The following ROBO1 variants were observed in gnomAD, a reference collection of about 807,000 sequenced individuals.
ROBO1 encodes roundabout guidance receptor 1.
ROBO1 carries 149 observed loss-of-function variants against 195.9 expected under a neutral mutation model. The ratio of observed to expected loss-of-function variants is 0.76; its 90% CI spans 0.67 to 0.87. The LOEUF is 0.87. ROBO1 is among the 40% of genes least tolerant of loss of function. The probability of loss-of-function intolerance (pLI) is 0.00; values close to 1 mark genes in which losing one functional copy is unlikely to be tolerated. For synonymous variants in ROBO1, 816 were observed against 733.2 expected, an observed-to-expected ratio of 1.11 and a Z score of -1.82; for missense variants, 1,933 against 2,068.3, an observed-to-expected ratio of 0.93 and a Z score of 1.27.
At chr3:79,338,246 T>A (rs780201388) in intron 2 of ROBO1, among the ~76,000 whole-genome samples, 1 of 152,198 alleles carries the variant, frequency 6.6e-6, no homozygotes, top group Non-Finnish European at 1.5e-5. Context: ...ACTATACAGA[T>A]GACTATCTTT....
chr3:78,936,836 G>A (rs2039838756), intron 4 of ROBO1, among the ~76,000 whole-genome samples: 1 of 151,864 alleles, frequency 6.6e-6, no homozygotes, highest in Non-Finnish European at 1.5e-5. Flanking sequence ...TTTTGCATGG[G>A]CTACATTCAA....
At chr3:78,726,050 T>G (rs2108147590) in intron 5 of ROBO1, among the ~76,000 whole-genome samples, 1 of 152,266 alleles carries the variant, frequency 6.6e-6, no homozygotes, top group Non-Finnish European at 1.5e-5. Flanking sequence ...TTTTCTGCTT[T>G]TAATTACATT....
At chr3:79,411,782 G>A (rs1254009719) in intron 2 of ROBO1, among the ~76,000 whole-genome samples, 1 of 152,124 alleles carries the variant, frequency 6.6e-6, no homozygotes, top group African/African-American at 2.4e-5. Flanking sequence ...CACATTTAAT[G>A]TGAAAAATTA....
chr3:78,660,915 T>A, intron 16 of ROBO1, 115 bp downstream of exon 16: 1 of 751,600 alleles, frequency 1.3e-6, no homozygotes, highest in Non-Finnish European at 2.1e-6. Context: ...ATGTTCAATA[T>A]CAAGAAAGTT....
intron 3 of ROBO1, among the ~76,000 whole-genome samples, chr3:79,008,888 C>CGTGTGTGTGTGTGTGTGTGT (rs375134341): frequency 2.5e-5 from 3 of 121,230 alleles, no homozygotes; most frequent in African/African-American, 9.6e-5. Flanking sequence ...TGCACCCAGC[C>CGTGTGTGTGTGTGTGTGTGT]GTGTGTGTGT....
At chr3:79,532,644 A>T (rs1272345104) in intron 2 of ROBO1, among the ~76,000 whole-genome samples, 1 of 152,208 alleles carries the variant, frequency 6.6e-6, no homozygotes, top group Admixed American at 6.5e-5. Context: ...AAAAAATCAA[A>T]TACAAATGCA....
At chr3:78,829,921 T>C (rs764663429) in intron 4 of ROBO1, among the ~76,000 whole-genome samples, 3 of 152,070 alleles carry the variant, frequency 2.0e-5, no homozygotes, top group Non-Finnish European at 2.9e-5. Flanking sequence ...TTTAAAAACA[T>C]AAAAACAGAG....
At chr3:79,087,509 T>C (rs2079393596) in intron 3 of ROBO1, among the ~76,000 whole-genome samples, 1 of 151,566 alleles carries the variant, frequency 6.6e-6, no homozygotes, top group Admixed American at 6.6e-5. Flanking sequence ...TTCTTTCTCT[T>C]CCTTCCTTCC....
intron 4 of ROBO1, among the ~76,000 whole-genome samples, chr3:78,777,671 C>T (rs66496525): frequency 0.26 from 38,836 of 151,980 alleles, 5,122 homozygotes; most frequent in Non-Finnish European, 0.28. Flanking sequence ...AAAAGTTTGG[C>T]TTACTTTGTA....
intron 4 of ROBO1, among the ~76,000 whole-genome samples, chr3:78,889,070 GA>G (rs1167034804): frequency 6.6e-6 from 1 of 152,142 alleles, no homozygotes; most frequent in African/African-American, 2.4e-5. Context: ...CAAAGAACAT[GA>G]TCTTACCTTC....
At chr3:79,194,303 C>T (rs1408068835) in intron 2 of ROBO1, among the ~76,000 whole-genome samples, 1 of 151,692 alleles carries the variant, frequency 6.6e-6, no homozygotes, top group African/African-American at 2.4e-5. Context: ...CACAAGATGA[C>T]TTGCTACAGG....
At chr3:79,764,399 T>C (rs1194209950) in intron 1 of ROBO1, among the ~76,000 whole-genome samples, 1 of 152,230 alleles carries the variant, frequency 6.6e-6, no homozygotes, top group Non-Finnish European at 1.5e-5. Flanking sequence ...CATGTTTTTG[T>C]CTGTGGTCTC....
intron 1 of ROBO1, among the ~76,000 whole-genome samples, chr3:79,670,539 T>A (rs1005488134): frequency 1.3e-5 from 2 of 151,828 alleles, no homozygotes; most frequent in African/African-American, 4.8e-5. Context: ...AGGTTTGACT[T>A]TATAGACTAC....
At chr3:78,999,720 A>G (rs1266849781) in intron 3 of ROBO1, among the ~76,000 whole-genome samples, 1 of 151,996 alleles carries the variant, frequency 6.6e-6, no homozygotes, top group African/African-American at 2.4e-5. Context: ...AAAAGAGAAA[A>G]TCTTCATATT....
intron 4 of ROBO1, among the ~76,000 whole-genome samples, chr3:78,784,526 T>G (rs1053447647): frequency 6.6e-6 from 1 of 152,174 alleles, no homozygotes; most frequent in African/African-American, 2.4e-5. Context: ...ACTACATGCC[T>G]GTAAATTGCT....
At chr3:78,760,290 T>G (rs1404964570) in intron 4 of ROBO1, among the ~76,000 whole-genome samples, 1 of 152,160 alleles carries the variant, frequency 6.6e-6, no homozygotes, top group Non-Finnish European at 1.5e-5. Context: ...CGAATACACA[T>G]GCCTATATAC....
At chr3:79,283,613 TCTG>T (rs1348181242) in intron 2 of ROBO1, among the ~76,000 whole-genome samples, 1 of 152,212 alleles carries the variant, frequency 6.6e-6, no homozygotes, top group Admixed American at 6.5e-5. Context: ...TCCTACTCAA[TCTG>T]CTAACTCTGT....
intron 2 of ROBO1, among the ~76,000 whole-genome samples, chr3:79,513,089 G>A (rs1285647504): frequency 6.6e-6 from 1 of 152,032 alleles, no homozygotes; most frequent in Non-Finnish European, 1.5e-5. Context: ...GGAGACGATA[G>A]AAAACCCCAT....
At chr3:79,407,441 T>G (rs1409572391) in intron 2 of ROBO1, among the ~76,000 whole-genome samples, 1 of 152,152 alleles carries the variant, frequency 6.6e-6, no homozygotes, top group East Asian at 1.9e-4. Context: ...TGATACAAAT[T>G]TATGACACTT....
Sources: allele counts gnomAD v4.1 joint callset (sites outside exome capture counted in the v4.1 genomes callset), GRCh38; gene constraint gnomAD v4.1.1; transcripts MANE v1.5; gene names NCBI Gene and HGNC (gene_info 2026-07-23, HGNC 2026-07-21).